The following FGGY variants were observed in gnomAD, a reference collection of about 807,000 sequenced individuals.
FGGY encodes the protein FGGY carbohydrate kinase domain-containing protein.
In FGGY, 72 loss-of-function variants were observed where a neutral mutation model predicts 71.3. That is an observed-to-expected ratio of 1.01 (90% CI 0.84 to 1.23). FGGY has a LOEUF of 1.23. FGGY is among the 50% of genes most tolerant of loss of function. The probability of loss-of-function intolerance (pLI) is 0.00; values close to 1 mark genes in which losing one functional copy is unlikely to be tolerated. For synonymous variants in FGGY, 251 were observed against 250.3 expected (o/e 1.00, Z -0.02); for missense variants, 668 against 682.3 (o/e 0.98, Z 0.23).
chr1:59,368,232 A>T (rs1365869827), intron 4 of FGGY, among the ~76,000 whole-genome samples: 1 of 152,190 alleles, frequency 6.6e-6, no homozygotes, highest in South Asian at 2.1e-4. Flanking sequence ...TGATAAGTAC[A>T]TAGGAGTTAC....
In FGGY at chr1:59,744,525, C is replaced by A. The variant is rs992076267; in HGVS notation, c.1513-13406C>A. 3.3e-5 allele frequency among the ~76,000 whole-genome samples: 5 copies of A among 152,216 alleles called. No homozygotes were observed. In the East Asian group the frequency reaches 9.6e-4, roughly 29 times the overall value. On this transcript the variant is annotated intron_variant, in intron 14 of 15. Coordinates refer to ENST00000303721, the MANE Select transcript of FGGY (RefSeq NM_018291.5). The stretch of plus-strand genomic sequence containing the variant: ...CGTGAGCCACTGCGCCCGGCCCACC[C>A]AAGCCATTCTGTTAGCTAGTGAAAG...
intron 1 of FGGY, among the ~76,000 whole-genome samples, chr1:59,298,153 A>AT (rs2042243816): frequency 3.3e-5 from 5 of 151,780 alleles, no homozygotes; most frequent in African/African-American, 9.7e-5. Context: ...GTATGTCCTG[A>AT]TTTTTTTCCT....
intron 8 of FGGY, among the ~76,000 whole-genome samples, chr1:59,585,813 C>T (rs1244221063): frequency 6.6e-6 from 1 of 152,116 alleles, no homozygotes; most frequent in Admixed American, 6.5e-5. Flanking sequence ...AGAACTCAAA[C>T]AAATTTGCAA....
intron 4 of FGGY, among the ~76,000 whole-genome samples, chr1:59,367,472 T>G (rs1290509451): frequency 6.6e-6 from 1 of 152,264 alleles, no homozygotes; most frequent in Non-Finnish European, 1.5e-5. Flanking sequence ...GTACTTGGAA[T>G]GTACAGGCAG....
chr1:59,667,447 A>G, intron 13 of FGGY, 44 bp downstream of exon 13: 1 of 1,606,346 alleles, frequency 6.2e-7, no homozygotes, highest in South Asian at 1.1e-5. Context: ...TTGGCTTGGC[A>G]GCAAATGGGC....
rs536425807 is a variant in FGGY, at chr1:59,468,902, A to G, written c.670+11826A>G. ...AAAAAAAAAAAAAAAAAGGATCTTG[A>G]CTAATGAACTAATGATAGGTATATG... is the stretch of plus-strand genomic sequence containing the variant. On this transcript the variant is annotated intron_variant, in intron 6 of 15. Transcript: ENST00000303721. 3.3e-5 allele frequency among the ~76,000 whole-genome samples: 5 copies of G among 150,662 alleles called. No individual in the cohort carries two copies. The South Asian group carries it at 8.4e-4, about 25-fold the overall frequency.
At chr1:59,559,887 A>G (rs538809651) in intron 8 of FGGY, among the ~76,000 whole-genome samples, 4 of 152,310 alleles carry the variant, frequency 2.6e-5, no homozygotes, top group East Asian at 3.9e-4. Flanking sequence ...AAATAAATCA[A>G]TGAAAAGAAG....
At chr1:59,487,576 C>T (rs2153578628) in intron 6 of FGGY, among the ~76,000 whole-genome samples, 1 of 152,298 alleles carries the variant, frequency 6.6e-6, no homozygotes, top group East Asian at 1.9e-4. Context: ...ACTTCTTTCT[C>T]AGTTACTCAG....
chr1:59,759,294 C>T (rs899462278), intron 15 of FGGY, among the ~76,000 whole-genome samples: 4 of 152,090 alleles, frequency 2.6e-5, no homozygotes, highest in Non-Finnish European at 5.9e-5. Flanking sequence ...GCTAACCCTC[C>T]GAATATAAAC....
At chr1:59,557,978 T>G (rs533462904) in intron 8 of FGGY, among the ~76,000 whole-genome samples, 7 of 152,242 alleles carry the variant, frequency 4.6e-5, no homozygotes, top group Middle Eastern at 3.4e-3. Context: ...GTCTTAATAT[T>G]GAGATAGTGG....
intron 14 of FGGY, among the ~76,000 whole-genome samples, chr1:59,687,918 T>C (rs986478843): frequency 2.6e-5 from 4 of 152,212 alleles, no homozygotes; most frequent in Admixed American, 6.5e-5. Context: ...GTAGTCCTTA[T>C]AGAGAATTCA....
At chr1:59,329,568 C>G (rs994494201) in intron 2 of FGGY, among the ~76,000 whole-genome samples, 1 of 152,236 alleles carries the variant, frequency 6.6e-6, no homozygotes, top group Admixed American at 6.5e-5. Flanking sequence ...ACTTGCATTC[C>G]TGGCTCATCT....
At chr1:59,564,885 A>C (rs2095849948) in intron 8 of FGGY, among the ~76,000 whole-genome samples, 1 of 152,178 alleles carries the variant, frequency 6.6e-6, no homozygotes, top group South Asian at 2.1e-4. Context: ...TTTAGGGGGA[A>C]TCTATCTATC....
intron 5 of FGGY, among the ~76,000 whole-genome samples, chr1:59,410,303 T>G (rs1270912302): frequency 6.6e-6 from 1 of 152,216 alleles, no homozygotes; most frequent in Non-Finnish European, 1.5e-5. Flanking sequence ...GGCACGGTAC[T>G]TGGTCTTTAC....
chr1:59,392,037 A>G (rs1359074316), intron 5 of FGGY, among the ~76,000 whole-genome samples: 1 of 152,188 alleles, frequency 6.6e-6, no homozygotes, highest in Admixed American at 6.5e-5. Flanking sequence ...GTGTGGAATA[A>G]GAGTTAAATT....
chr1:59,729,570 A>G (rs1185270188), intron 14 of FGGY, among the ~76,000 whole-genome samples: 2 of 151,958 alleles, frequency 1.3e-5, no homozygotes, highest in African/African-American at 2.4e-5. Flanking sequence ...ACATTCTTCT[A>G]TTGTCCTTAT....
intron 8 of FGGY, among the ~76,000 whole-genome samples, chr1:59,601,846 T>C (rs928368825): frequency 6.6e-6 from 1 of 152,232 alleles, no homozygotes; most frequent in Non-Finnish European, 1.5e-5. Flanking sequence ...ATGTTTTAGA[T>C]AGTAGCCATT....
At chr1:59,505,614 C>T (rs917650826) in intron 6 of FGGY, among the ~76,000 whole-genome samples, 2 of 152,192 alleles carry the variant, frequency 1.3e-5, no homozygotes, top group African/African-American at 2.4e-5. Context: ...AACCAACTCT[C>T]CTCCTGGGTT....
chr1:59,337,258 G>T (rs35338021), intron 2 of FGGY, among the ~76,000 whole-genome samples: 7,735 of 152,176 alleles, frequency 0.051, 289 homozygotes, highest in Non-Finnish European at 0.078. Context: ...CAGGCAGGCT[G>T]CTAGTGCAAG....
Sources: gnomAD v4.1 joint callset for allele counts (sites outside exome capture counted in the v4.1 genomes callset) on GRCh38, gnomAD v4.1.1 for gene constraint, MANE v1.5 for transcripts, NCBI Gene and HGNC (gene_info 2026-07-23, HGNC 2026-07-21) for gene names.